Variants in DOK6 observed in about 807,000 individuals in gnomAD.
DOK6 encodes downstream of tyrosine kinase 6.
In DOK6, 22 loss-of-function variants were observed where a neutral mutation model predicts 44.0. The ratio of observed to expected loss-of-function variants is 0.50; its 90% CI spans 0.36 to 0.71. The LOEUF (loss-of-function observed/expected upper bound fraction) is 0.71, where lower values mean the gene tolerates loss of function less well. Ranked by LOEUF, DOK6 falls within the 30% of genes least tolerant of loss-of-function variation. The pLI is 0.00. For synonymous variants in DOK6, 166 were observed against 145.5 expected (o/e 1.14, Z -1.01); for missense variants, 340 against 416.4 (o/e 0.82, Z 1.60).
At chr18:69,680,395 G>A (rs1194715758) in intron 4 of DOK6, among the ~76,000 whole-genome samples, 7 of 152,164 alleles carry the variant, frequency 4.6e-5, no homozygotes, top group East Asian at 1.9e-4. Context: ...CTCAGGGTTC[G>A]TCAAGTCTGC....
chr18:69,833,843 A>G (rs1047536461), intron 7 of DOK6, among the ~76,000 whole-genome samples: 1 of 152,236 alleles, frequency 6.6e-6, no homozygotes, highest in African/African-American at 2.4e-5. Context: ...AATGCAGATC[A>G]CAACTACAAT....
At chr18:69,524,352 T>G (rs1182482628) in intron 1 of DOK6, among the ~76,000 whole-genome samples, 1 of 152,040 alleles carries the variant, frequency 6.6e-6, no homozygotes, top group Non-Finnish European at 1.5e-5. Context: ...GTGTGTCTTA[T>G]TAAACATTCT....
chr18:69,419,757 A>G (rs1172209622), intron 1 of DOK6, among the ~76,000 whole-genome samples: 1 of 152,210 alleles, frequency 6.6e-6, no homozygotes, highest in Non-Finnish European at 1.5e-5. Flanking sequence ...ACAGGAGGAT[A>G]CAATGATATG....
intron 7 of DOK6, among the ~76,000 whole-genome samples, chr18:69,764,708 A>G (rs1044000176): frequency 1.3e-5 from 2 of 152,232 alleles, no homozygotes; most frequent in African/African-American, 2.4e-5. Flanking sequence ...GAACAGACTA[A>G]TACATATGAT....
chr18:69,627,610 A>C (rs1185881394), intron 3 of DOK6, among the ~76,000 whole-genome samples: 1 of 151,800 alleles, frequency 6.6e-6, no homozygotes, highest in Admixed American at 6.6e-5. Context: ...CACCACACCC[A>C]GCTAGTTTTT....
At chr18:69,730,244 G>A (rs1978357754) in intron 5 of DOK6, among the ~76,000 whole-genome samples, 2 of 152,172 alleles carry the variant, frequency 1.3e-5, no homozygotes, top group South Asian at 2.1e-4. Context: ...TGAGTTGCCA[G>A]CCTCTATAGG....
intron 3 of DOK6, among the ~76,000 whole-genome samples, chr18:69,648,576 C>G (rs1406570519): frequency 6.6e-6 from 1 of 152,148 alleles, no homozygotes; most frequent in Non-Finnish European, 1.5e-5. Context: ...ATTAGTATCT[C>G]TAGCATAAGG....
rs148506800 is a variant in DOK6, at chr18:69,788,771, A to G, written c.856+30898A>G. ...GAAGACAGACTACTTGGTGAGAAAGAGCTATCTCATTTACTTTTTATTATG... is the reference window on the plus strand; with the variant it reads ...GAAGACAGACTACTTGGTGAGAAAGGGCTATCTCATTTACTTTTTATTATG... On this transcript the variant is annotated intron_variant, in intron 7 of 7. Coordinates refer to ENST00000382713, the MANE Select transcript of DOK6 (RefSeq NM_152721.6). Among the ~76,000 whole-genome samples, 251 of 152,294 alleles carry G rather than the reference A, an allele frequency of 1.6e-3. 2 individuals are homozygous for G. The highest frequency in any genetic ancestry group is 6.8e-3 in the Middle Eastern group (2 of 294).
rs1314925799 is a variant in DOK6 at position 69,843,362 on chromosome 18, C to G, written c.*1979C>G. 1 of 152,208 alleles carries G rather than the reference C, an allele frequency of 6.6e-6. No homozygotes were observed. Among genetic ancestry groups the G allele is most frequent in the African/African-American group, 2.4e-5 (1 of 41,452 alleles). 9.4% of individuals were successfully genotyped at this position (152,208 alleles called of 1,614,324 possible). On this transcript the variant is annotated 3_prime_UTR_variant, in exon 8 of 8. Transcript: ENST00000382713. The stretch of plus-strand genomic sequence containing the variant: ...GCACATGGCATTTGCTTTTGAAATG[C>G]CTTTAGTCAAATACACCAGAGCAAC...
intron 2 of DOK6, among the ~76,000 whole-genome samples, chr18:69,570,236 C>T (rs1380942725): frequency 4.6e-5 from 7 of 151,892 alleles, no homozygotes; most frequent in African/African-American, 1.7e-4. Context: ...AAACAAAATT[C>T]ACCTGCAAAA....
intron 3 of DOK6, among the ~76,000 whole-genome samples, chr18:69,614,485 C>T (rs980205320): frequency 1.3e-5 from 2 of 151,980 alleles, no homozygotes; most frequent in Non-Finnish European, 2.9e-5. Context: ...AAAATGGTCA[C>T]CACAATCAAG....
At chr18:69,706,979 G>A (rs2144711468) in intron 5 of DOK6, among the ~76,000 whole-genome samples, 1 of 151,990 alleles carries the variant, frequency 6.6e-6, no homozygotes, top group Non-Finnish European at 1.5e-5. Context: ...ATTGTGAATA[G>A]TGCTGCAATA....
intron 2 of DOK6, among the ~76,000 whole-genome samples, chr18:69,598,202 A>G (rs970904025): frequency 6.6e-6 from 1 of 151,784 alleles, no homozygotes; most frequent in Non-Finnish European, 1.5e-5. Context: ...AGGAAAATAG[A>G]TCCTAAGGAA....
rs149278105 is a variant in DOK6 at position 69,504,817 on chromosome 18, G to A, written c.67-59670G>A. On this transcript the variant is annotated intron_variant, in intron 1 of 7. Transcript: ENST00000382713. ...TGATCTAGGGCTTTTGTGATTCCAC[G>A]AGAGCTATTTAAATATTTTTCCTAT... 7.1e-3 allele frequency among the ~76,000 whole-genome samples: 1,080 copies of A among 152,186 alleles called. 37 individuals are homozygous for A. Among genetic ancestry groups the A allele is most frequent in the Admixed American group, 0.062 (948 of 15,294 alleles).
At chr18:69,557,353 G>A (rs927549371) in intron 1 of DOK6, among the ~76,000 whole-genome samples, 1 of 152,288 alleles carries the variant, frequency 6.6e-6, no homozygotes, top group East Asian at 1.9e-4. Flanking sequence ...GGCAGAGCTT[G>A]TGAATGAGTC....
chr18:69,518,162 C>T (rs1048132943), intron 1 of DOK6, among the ~76,000 whole-genome samples: 36 of 152,092 alleles, frequency 2.4e-4, no homozygotes, highest in Admixed American at 2.0e-3. Flanking sequence ...AAAGCATTGC[C>T]GGTCTGATAA....
intron 4 of DOK6, among the ~76,000 whole-genome samples, chr18:69,692,020 T>C (rs917836075): frequency 2.0e-5 from 3 of 152,154 alleles, no homozygotes; most frequent in African/African-American, 7.2e-5. Context: ...TTTTCAATAG[T>C]AACTATTTAG....
At position 69,401,234 on chromosome 18, in the gene DOK6, T is replaced by G; in HGVS notation, c.-11T>G. The G allele has an allele frequency of 6.4e-7, 1 of 1,558,058 alleles. No homozygotes were observed. On this transcript the variant is annotated 5_prime_UTR_variant, in exon 1 of 8. Transcript: ENST00000382713. ...CGGATCGCGGGGCGCAGGAGCCCGA[T>G]CGCGCTGGCCATGGCCTCCAACTTT...
At chr18:69,595,494 A>T (rs4891367) in intron 2 of DOK6, among the ~76,000 whole-genome samples, 144,843 of 152,206 alleles carry the variant, frequency 0.95, 69,325 homozygotes, top group East Asian at 1. Context: ...CTTCTTAAAT[A>T]GACTTATTTA....
Sources: gnomAD v4.1 joint callset for allele counts (sites outside exome capture counted in the v4.1 genomes callset) on GRCh38, gnomAD v4.1.1 for gene constraint, MANE v1.5 for transcripts, NCBI Gene and HGNC (gene_info 2026-07-23, HGNC 2026-07-21) for gene names.